The following GPAT2 variants were observed in gnomAD, a reference collection of about 807,000 sequenced individuals.
GPAT2 encodes the protein glycerol-3-phosphate acyltransferase 2, mitochondrial.
GPAT2 carries 51 observed loss-of-function variants against 71.0 expected under a neutral mutation model. The observed-to-expected ratio is 0.72, with a 90% CI of 0.57 to 0.91. The LOEUF (loss-of-function observed/expected upper bound fraction) is 0.91, where lower values mean the gene tolerates loss of function less well. Among genes scored for constraint, GPAT2 ranks in the 40% least tolerant of loss-of-function variants. GPAT2 has a pLI of 0.00. For missense variants in GPAT2, 511 were observed against 666.0 expected, an observed-to-expected ratio of 0.77 and a Z score of 2.56; for synonymous variants, 222 against 290.3, an observed-to-expected ratio of 0.76 and a Z score of 2.39.
Position 96,032,073 on chromosome 2 carries a change from A to G in GPAT2, c.137T>C (p.Phe46Ser), listed in dbSNP as rs1385912944. Residue 46 changes from phenylalanine (F) to serine (S), a missense_variant, in exon 3 of 22, where the codon TTT becomes TCT. By Grantham distance (155) the Phe-to-Ser change is radical. Coordinates refer to ENST00000434632, the MANE Select transcript of GPAT2 (RefSeq NM_001321527.2). ...VTPFLGKYRP[F>S]VGRCCQTCTP... The stretch of plus-strand genomic sequence containing the variant: ...GCAGGTCTGGCAACAGCGACCCACA[A>G]AGGGGCGATACTTCCCCAGGAATGG... The G allele has an allele frequency of 6.5e-7, 1 of 1,542,464 alleles. No individual in the cohort carries two copies. Among genetic ancestry groups the G allele is most frequent in the Non-Finnish European group, 8.9e-7 (1 of 1,126,646 alleles).
At position 96,023,410 on chromosome 2, in the gene GPAT2, C is replaced by T; in HGVS notation, c.1945G>A (p.Gly649Arg). The T allele has an allele frequency of 6.2e-7, 1 of 1,614,122 alleles. No individual in the cohort carries two copies. Residue 649 changes from glycine (G) to arginine (R), a missense_variant, in exon 18 of 22, where the codon GGG becomes AGG. Transcript: ENST00000434632. ...AGCTTTCTGCTCAATCGCTGTCGCC[C>T]TGTGTCACAGGCTGGCCGGGAGCCT... ...TPGSRPACDT[G>R]RQRLSRKLLW... is the part of the protein sequence containing the mutation.
At chr2:96,023,578 C>T (rs529284672) in intron 17 of GPAT2, 138 bp from the exon 18 acceptor site, 6 of 896,122 alleles carry the variant, frequency 6.7e-6, no homozygotes, top group South Asian at 1.7e-5. Context: ...TGCCCCAGCA[C>T]CTGCTGGGCC....
intron 1 of GPAT2, among the ~76,000 whole-genome samples, chr2:96,034,162 C>T (rs1303828983): frequency 9.2e-6 from 1 of 108,554 alleles, no homozygotes; most frequent in African/African-American, 3.5e-5. Context: ...CAACGTTGAA[C>T]AGCAGAGGGC....
chr2:96,022,669 C>A lies in GPAT2; in HGVS notation c.2288G>T (p.Gly763Val). 2 of 1,613,972 alleles carry A rather than the reference C, an allele frequency of 1.2e-6. No individual in the cohort carries two copies. Among genetic ancestry groups the A allele is most frequent in the Non-Finnish European group, 1.7e-6 (2 of 1,179,846 alleles). ...GATGGTGACAGTGGCTCCTCTCACC[C>A]CTAGGTCTCTGAAGGTCCAGACAGC... is the stretch of plus-strand genomic sequence containing the variant. ...ISAVWTFRDL[G>V]VLQQTPSPAG... The change falls in exon 21 of 22, where the codon GGG (glycine) becomes GTG (valine). Residue 763 changes from glycine (G) to valine (V), a missense_variant and splice_region_variant. Gly to Val is a moderately radical substitution (Grantham distance 109). Coordinates refer to ENST00000434632, the MANE Select transcript of GPAT2 (RefSeq NM_001321527.2).
rs2579512 is a variant in GPAT2, at chr2:96,025,456, G to T, written c.1357+29C>A. On this transcript the variant is annotated intron_variant, in intron 13 of 21. Transcript: ENST00000434632. Reference sequence around the variant, plus strand: ...GAGGGGACGGTTCAGTGACCCACCCGCAAAGGCCCAGATCTGGTTCACCCT... The same window carrying T: ...GAGGGGACGGTTCAGTGACCCACCCTCAAAGGCCCAGATCTGGTTCACCCT... 3.5e-4 allele frequency: 546 copies of T among 1,568,766 alleles called. 5 individuals are homozygous for T. In the Admixed American group the frequency reaches 8.0e-3, roughly 23 times the overall value.
At position 96,024,775 on chromosome 2, in the gene GPAT2, T is replaced by G. The variant is rs1326066646; in HGVS notation, c.1426A>C (p.Lys476Gln). The G allele has an allele frequency of 6.2e-7, 1 of 1,613,708 alleles. No individual in the cohort carries two copies. Among genetic ancestry groups the G allele is most frequent in the African/African-American group, 1.3e-5 (1 of 74,854 alleles). ...MATLLLFKHQKGVFLSQLLGE... is the reference protein window; with the variant it reads ...MATLLLFKHQQGVFLSQLLGE... The stretch of plus-strand genomic sequence containing the variant: ...CCCCACCACATTGCACCCCCTACCT[T>G]CTGATGCTTGAAGAGCAGCAGCGTT... Residue 476 changes from lysine (K) to glutamine (Q), a missense_variant and splice_region_variant, in exon 14 of 22, where the codon AAG becomes CAG. This residue lies in a region of GPAT2 where 295 missense variants were observed against 305.5 expected (regional missense o/e 0.97). Coordinates refer to ENST00000434632, the MANE Select transcript of GPAT2 (RefSeq NM_001321527.2).
rs1679894794 is a variant in GPAT2 at position 96,023,161 on chromosome 2, G to C, written c.2112C>G (p.Leu704=). 1 of 1,607,014 alleles carries C rather than the reference G, an allele frequency of 6.2e-7. No individual in the cohort carries two copies. Among genetic ancestry groups the C allele is most frequent in the Non-Finnish European group, 8.5e-7 (1 of 1,176,832 alleles). The change falls in exon 19 of 22, where the codon CTC becomes CTG. Residue 704 remains leucine, a synonymous_variant. Coordinates refer to ENST00000434632, the MANE Select transcript of GPAT2 (RefSeq NM_001321527.2). ...AGGCGGCAGCCTGTGCAAAGGCCTT[G>C]AGCAGCGGGCTGAGCAGGCGGCAGA... is the stretch of plus-strand genomic sequence containing the variant. ...LFLCRLLSPL[L]KAFAQAAAFL...
chr2:96,025,842 G>A (rs1182423476), intron 12 of GPAT2, 88 bp downstream of exon 12: 10 of 1,329,260 alleles, frequency 7.5e-6, no homozygotes, highest in African/African-American at 1.4e-5. Flanking sequence ...AGGGAGGGCT[G>A]CTAGTGTGTG....
intron 12 of GPAT2, 63 bp from the exon 13 acceptor site, chr2:96,025,666 C>G: frequency 7.5e-7 from 1 of 1,324,982 alleles, no homozygotes; most frequent in Admixed American, 2.6e-5. Flanking sequence ...GTGGGAATGC[C>G]TAGAGCTTTC....
Position 96,025,524 on chromosome 2 carries a change from G to A in GPAT2, c.1318C>T (p.Gln440Ter). ...CAGCTCAGTCTCCTGACCAGGAGCT[G>A]GTCCTCTTCCTTGAGGGCCAGGAGA... ...GPLLALKEED[Q>*]LLVRRLSCHV... Residue 440 changes from glutamine to a stop codon, truncating the protein, a stop_gained, in exon 13 of 22, where the codon CAG (glutamine) becomes TAG (stop). Coordinates refer to ENST00000434632, the MANE Select transcript of GPAT2 (RefSeq NM_001321527.2). LOFTEE classifies it high-confidence loss of function. 2.6e-6 allele frequency: 4 copies of A among 1,559,424 alleles called. No individual in the cohort carries two copies. The South Asian group carries it at 4.8e-5, about 19-fold the overall frequency.
chr2:96,034,294 A>C (rs1680902585), intron 1 of GPAT2, among the ~76,000 whole-genome samples: 1 of 89,096 alleles, frequency 1.1e-5, no homozygotes, highest in Non-Finnish European at 2.3e-5. Context: ...CTGTCCCTTT[A>C]GCCCGACAGC....
At chr2:96,024,733 C>CT (rs1680183790) in intron 14 of GPAT2, 40 bp downstream of exon 14, 1 of 1,613,272 alleles carries the variant, frequency 6.2e-7, no homozygotes, top group East Asian at 2.2e-5. Context: ...CATCGCCACC[C>CT]CCCCCACCGC....
At position 96,022,194 on chromosome 2, in the gene GPAT2, G is replaced by A; in HGVS notation, c.2371C>T (p.Leu791=). 2 of 1,611,186 alleles carry A rather than the reference G, an allele frequency of 1.2e-6. No homozygotes were observed. The highest frequency in any genetic ancestry group is 1.7e-6 in the Non-Finnish European group (2 of 1,179,464). Reference sequence around the variant, plus strand: ...ATGAACTGCCGGATGAACTGTTCTAGTTTTTCCTGATTGTCCAGGCTGGCA... The same window carrying A: ...ATGAACTGCCGGATGAACTGTTCTAATTTTTCCTGATTGTCCAGGCTGGCA... ...TFASLDNQEK[L]EQFIRQFICS Residue 791 remains leucine, a synonymous_variant, in exon 22 of 22, where the codon CTA becomes TTA. Coordinates refer to ENST00000434632, the MANE Select transcript of GPAT2 (RefSeq NM_001321527.2).
intron 10 of GPAT2, 49 bp from the exon 11 acceptor site, chr2:96,026,354 G>A: frequency 7.0e-7 from 1 of 1,427,634 alleles, no homozygotes; most frequent in Non-Finnish European, 9.2e-7. Flanking sequence ...ACTGCTCTCG[G>A]GCGGACATCA....
At position 96,025,594 on chromosome 2, in the gene GPAT2, G is replaced by A; in HGVS notation, c.1248C>T (p.Val416=). ...ACTCCTGCTCCTTCTCAGTGTCTGG[G>A]ACAGCAGTACTGAGATAGAGACACA... is the stretch of plus-strand genomic sequence containing the variant. ...QPIVLGQCTA[V]PDTEKEQEWT... The change falls in exon 13 of 22, where the codon GTC becomes GTT. Residue 416 remains valine (V), a synonymous_variant. Transcript: ENST00000434632. The A allele has an allele frequency of 3.8e-6, 6 of 1,573,154 alleles. No homozygotes were observed. Among genetic ancestry groups the A allele is most frequent in the Non-Finnish European group, 3.4e-6 (4 of 1,162,100 alleles).
chr2:96,025,893 C>T, intron 12 of GPAT2, 37 bp downstream of exon 12: 1 of 1,592,416 alleles, frequency 6.3e-7, no homozygotes, highest in Non-Finnish European at 8.6e-7. Flanking sequence ...GGGCTGCTTG[C>T]CTTGCCCCCT....
At chr2:96,031,875 A>G (rs891411376) in intron 3 of GPAT2, among the ~76,000 whole-genome samples, 158 bp downstream of exon 3, 4 of 136,986 alleles carry the variant, frequency 2.9e-5, no homozygotes, top group African/African-American at 1.1e-4. Flanking sequence ...GCCCAACCAT[A>G]CAACCAATAC....
At chr2:96,023,076 T>C (rs1378668923) in intron 19 of GPAT2, 30 bp downstream of exon 19, 1 of 1,613,958 alleles carries the variant, frequency 6.2e-7, no homozygotes, top group African/African-American at 1.3e-5. Flanking sequence ...ACAGCCTGCC[T>C]CGAGGACTGC....
Position 96,022,106 on chromosome 2 carries a change from C to T in GPAT2, c.*53G>A. The stretch of plus-strand genomic sequence containing the variant: ...TCCTCTCCATCTTCTGGCTCTAGGA[C>T]ACAGCTGTGTTCTGGGGCTGAGAAG... On this transcript the variant is annotated 3_prime_UTR_variant, in exon 22 of 22. Transcript: ENST00000434632. 6.3e-7 allele frequency: 1 copy of T among 1,591,704 alleles called. No homozygotes were observed. The highest frequency in any genetic ancestry group is 2.2e-5 in the East Asian group (1 of 44,646).
Sources: allele counts gnomAD v4.1 joint callset (sites outside exome capture counted in the v4.1 genomes callset), GRCh38; gene constraint gnomAD v4.1.1; regional missense constraint gnomAD v4.1.1; transcripts MANE v1.5; gene names NCBI Gene and HGNC (gene_info 2026-07-23, HGNC 2026-07-21).